LMO7: variants seen among roughly 807,000 people sequenced by gnomAD.
LMO7 encodes LIM domain 7.
A neutral mutation model predicts 206.5 loss-of-function variants in LMO7; 120 were observed. The observed-to-expected ratio is 0.58, with a 90% CI of 0.50 to 0.68. LMO7 has a LOEUF of 0.68. Ranked by LOEUF, LMO7 falls within the 30% of genes least tolerant of loss-of-function variation. The pLI is 0.00. For missense variants in LMO7, 1,959 were observed against 1,957.9 expected (o/e 1.00, Z -0.01); for synonymous variants, 706 against 681.5 (o/e 1.04, Z -0.56).
At chr13:75,811,204 T>C (rs1358295420) in intron 11 of LMO7, among the ~76,000 whole-genome samples, 1 of 129,984 alleles carries the variant, frequency 7.7e-6, no homozygotes, top group African/African-American at 3.0e-5. Context: ...CTTTTTTTCT[T>C]TCTCTTTTTT....
At chr13:75,715,816 A>G (rs2043487180) in intron 2 of LMO7, among the ~76,000 whole-genome samples, 1 of 152,200 alleles carries the variant, frequency 6.6e-6, no homozygotes, top group Non-Finnish European at 1.5e-5. Flanking sequence ...TTGTGGCCAC[A>G]TCCACCTGTG....
intron 11 of LMO7, among the ~76,000 whole-genome samples, chr13:75,816,090 C>T (rs3759445): frequency 0.14 from 20,939 of 152,212 alleles, 1,819 homozygotes; most frequent in Admixed American, 0.22. Flanking sequence ...AGTCAAAGGA[C>T]GGACTGGTTC....
chr13:75,662,607 C>T (rs2038709203), intron 1 of LMO7, among the ~76,000 whole-genome samples: 1 of 145,032 alleles, frequency 6.9e-6, no homozygotes, highest in Admixed American at 6.8e-5. Context: ...GCGTGAGCCA[C>T]TGCACCTGGC....
chr13:75,674,569 A>G (rs940058978), intron 1 of LMO7, among the ~76,000 whole-genome samples: 2 of 152,254 alleles, frequency 1.3e-5, no homozygotes, highest in Non-Finnish European at 2.9e-5. Context: ...AACTTCTGGC[A>G]GTAGAGGTCA....
intron 4 of LMO7, among the ~76,000 whole-genome samples, chr13:75,783,932 C>T (rs1012996789): frequency 1.3e-5 from 2 of 152,090 alleles, no homozygotes; most frequent in South Asian, 2.1e-4. Flanking sequence ...TAATTTTAGA[C>T]CCCTGGGAAC....
intron 1 of LMO7, among the ~76,000 whole-genome samples, chr13:75,664,097 T>G (rs1224599116): frequency 1.3e-5 from 2 of 152,296 alleles, no homozygotes; most frequent in South Asian, 4.1e-4. Flanking sequence ...TTGATTTTTT[T>G]GTAACCATTA....
chr13:75,752,740 T>C (rs2047372638), intron 3 of LMO7, among the ~76,000 whole-genome samples: 1 of 152,218 alleles, frequency 6.6e-6, no homozygotes, highest in Admixed American at 6.5e-5. Flanking sequence ...CCAGTTCCAT[T>C]TGTATTAGTG....
intron 4 of LMO7, among the ~76,000 whole-genome samples, chr13:75,765,832 A>G (rs1411575632): frequency 6.6e-6 from 1 of 152,126 alleles, no homozygotes; most frequent in East Asian, 1.9e-4. Flanking sequence ...ACGTTTCTGA[A>G]TGCCAGTGCT....
Position 75,768,811 on chromosome 13 carries a change from A to C in LMO7, c.317+7773A>C, listed in dbSNP as rs540618345. 2.0e-5 allele frequency among the ~76,000 whole-genome samples: 3 copies of C among 152,246 alleles called. No homozygotes were observed. The East Asian group carries it at 5.8e-4, about 29-fold the overall frequency. On this transcript the variant is annotated intron_variant, in intron 4 of 30. Coordinates refer to ENST00000377534, the MANE Select transcript of LMO7 (RefSeq NM_001306080.2). ...TCAAAATCTTGTCTTTACTGAATTC[A>C]AATGTACATCGCAGTCACATTTTCC...
chr13:75,858,070 C>T lies in LMO7; in HGVS notation c.*127C>T, dbSNP rs148043563. 1.0e-5 allele frequency: 11 copies of T among 1,087,014 alleles called. No homozygotes were observed. The Admixed American group carries it at 1.2e-4, about 12-fold the overall frequency. 67.3% of individuals were successfully genotyped at this position (1,087,014 alleles called of 1,614,324 possible). On this transcript the variant is annotated 3_prime_UTR_variant, in exon 31 of 31. Coordinates refer to ENST00000377534, the MANE Select transcript of LMO7 (RefSeq NM_001306080.2). ...TTAAAAAAAAGAATAACTTTTTTTG[C>T]CTCTTTAGATTACATAGAAGCATTG...
In LMO7 at chr13:75,821,388, A is replaced by G. The variant is rs751676801; in HGVS notation, c.2419A>G (p.Thr807Ala). Residue 807 changes from threonine (T) to alanine (A), a missense_variant, in exon 14 of 31, where the codon ACT becomes GCT. Thr to Ala is a moderately conservative substitution (Grantham distance 58, BLOSUM62 0). Transcript: ENST00000377534. The part of the protein sequence containing the change: ...TFAKREDRVT[T>A]EIQLPSQSPV... Reference sequence around the variant, plus strand: ...TGCAAAAAGAGAGGACCGTGTAACAACTGAAATTCAGCTTCCTTCTCAAAG... The same window carrying G: ...TGCAAAAAGAGAGGACCGTGTAACAGCTGAAATTCAGCTTCCTTCTCAAAG... The G allele has an allele frequency of 4.3e-6, 7 of 1,614,194 alleles. No individual in the cohort carries two copies. The highest frequency in any genetic ancestry group is 3.3e-4 in the Middle Eastern group (2 of 6,062).
In LMO7 at chr13:75,821,562, T is replaced by C. The variant is rs1346886659; in HGVS notation, c.2593T>C (p.Phe865Leu). 1 of 1,613,638 alleles carries C rather than the reference T, an allele frequency of 6.2e-7. No individual in the cohort carries two copies. Among genetic ancestry groups the C allele is most frequent in the African/African-American group, 1.3e-5 (1 of 74,898 alleles). ...RLTSVVTPRP[F>L]GSQTRGISSL... ...AACATCTGTGGTCACACCAAGACCC[T>C]TTGGCTCTCAGACAAGGGGAATCTC... The change falls in exon 14 of 31, where the codon TTT becomes CTT. Residue 865 changes from phenylalanine to leucine, a missense_variant. Transcript: ENST00000377534.
intron 3 of LMO7, among the ~76,000 whole-genome samples, chr13:75,735,116 C>CGTGTGTGTGT (rs112512807): frequency 7.6e-5 from 11 of 145,662 alleles, no homozygotes; most frequent in African/African-American, 2.8e-4. Context: ...AAAAAAATTA[C>CGTGTGTGTGT]GTGTGTGTGT....
intron 1 of LMO7, among the ~76,000 whole-genome samples, chr13:75,707,371 C>A (rs1218339415): frequency 6.6e-6 from 1 of 151,926 alleles, no homozygotes; most frequent in Non-Finnish European, 1.5e-5. Flanking sequence ...AAATAATATT[C>A]TTTACAAGTA....
In LMO7 at chr13:75,792,330, G is replaced by A. The variant is rs1195029318; in HGVS notation, c.318-3071G>A. 1.3e-5 allele frequency among the ~76,000 whole-genome samples: 2 copies of A among 152,100 alleles called. 1 individual carries two copies. The highest frequency in any genetic ancestry group is 2.9e-5 in the Non-Finnish European group (2 of 68,028). ...TCCTTCTAATCTACTGAAACAGAGG[G>A]CATTATCCCTACTTTGTCCAGAAGG... On this transcript the variant is annotated intron_variant, in intron 4 of 30. Coordinates refer to ENST00000377534, the MANE Select transcript of LMO7 (RefSeq NM_001306080.2).
At position 75,719,519 on chromosome 13, in the gene LMO7, A is replaced by G. The variant is rs539206030; in HGVS notation, c.140+6267A>G. Among the ~76,000 whole-genome samples, 153 of 152,036 alleles carry G rather than the reference A, an allele frequency of 1.0e-3. 1 individual carries two copies. The highest frequency in any genetic ancestry group is 3.6e-3 in the African/African-American group (151 of 41,476). On this transcript the variant is annotated intron_variant, in intron 2 of 30. Transcript: ENST00000377534. The stretch of plus-strand genomic sequence containing the variant: ...GGAGGTGATTAGATCATGGGGGTGG[A>G]TTTCCCCCATGCTGTTCTCATGATA...
At chr13:75,661,907 T>C (rs1566285225) in intron 1 of LMO7, among the ~76,000 whole-genome samples, 1 of 152,240 alleles carries the variant, frequency 6.6e-6, no homozygotes, top group East Asian at 1.9e-4. Flanking sequence ...TTAAATGGTC[T>C]GCTTTTCTGT....
chr13:75,650,856 G>A (rs979854492), intron 1 of LMO7, among the ~76,000 whole-genome samples: 1 of 151,672 alleles, frequency 6.6e-6, no homozygotes, highest in Non-Finnish European at 1.5e-5. Flanking sequence ...ACTAATTTAG[G>A]TCTTCTGCTG....
At chr13:75,685,798 A>T (rs764421122) in intron 1 of LMO7, among the ~76,000 whole-genome samples, 1 of 152,030 alleles carries the variant, frequency 6.6e-6, no homozygotes, top group Admixed American at 6.6e-5. Flanking sequence ...ATGAGGGATG[A>T]TAAATAGGGA....
Sources: gnomAD v4.1 joint callset for allele counts (sites outside exome capture counted in the v4.1 genomes callset) on GRCh38, gnomAD v4.1.1 for gene constraint, MANE v1.5 for transcripts, NCBI Gene and HGNC (gene_info 2026-07-23, HGNC 2026-07-21) for gene names.